The following SRSF11 variants were observed in gnomAD, a reference collection of about 807,000 sequenced individuals.
The protein encoded by SRSF11 is serine and arginine rich splicing factor 11, also known as serine/arginine-rich splicing factor 11.
SRSF11 carries 9 observed loss-of-function variants against 56.0 expected under a neutral mutation model. The observed-to-expected ratio is 0.16, with a 90% CI of 0.10 to 0.28. The LOEUF (loss-of-function observed/expected upper bound fraction) is 0.28. SRSF11 is among the 10% of genes least tolerant of loss of function. The pLI is 1.00. For synonymous variants in SRSF11, 222 were observed against 215.3 expected, an observed-to-expected ratio of 1.03 and a Z score of -0.27; for missense variants, 421 against 600.7, an observed-to-expected ratio of 0.70 and a Z score of 3.13.
At chr1:70,231,601 C>G (rs1300699983) in intron 2 of SRSF11, 1 of 1,132,428 alleles carries the variant, frequency 8.8e-7, no homozygotes, top group Non-Finnish European at 1.1e-6. Flanking sequence ...ACCTATCTCT[C>G]TTTCTCTCTC....
In SRSF11 at chr1:70,251,019, A is replaced by T. The variant is rs567212263; in HGVS notation, c.*214A>T. ...CCAATTCTTGTCATGGTGAAATCTG[A>T]TTGAGTAACCAAGCAGTTTTACTAT... On this transcript the variant is annotated 3_prime_UTR_variant, in exon 12 of 12. Coordinates refer to ENST00000370949, the MANE Select transcript of SRSF11 (RefSeq NM_001350605.2). 40 of 495,022 alleles carry T rather than the reference A, an allele frequency of 8.1e-5. No individual in the cohort carries two copies. Among genetic ancestry groups the T allele is most frequent in the Admixed American group, 1.7e-4 (5 of 28,934 alleles). The allele number at this position is 495,022 out of a possible 1,614,324, so 30.7% of individuals were successfully genotyped here.
chr1:70,232,292 C>G lies in SRSF11; in HGVS notation c.362C>G (p.Ala121Gly), dbSNP rs1309028106. 1 of 1,614,140 alleles carries G rather than the reference C, an allele frequency of 6.2e-7. No individual in the cohort carries two copies. Among genetic ancestry groups the G allele is most frequent in the Admixed American group, 1.7e-5 (1 of 60,016 alleles). Residue 121 changes from alanine (A) to glycine (G), a missense_variant, in exon 3 of 12, where the codon GCT becomes GGT. This residue lies in a region of SRSF11 where 168 missense variants were observed against 294.9 expected (regional missense o/e 0.57). Transcript: ENST00000370949. ...GGAGTTATTCCTGATGAAGCTAAAG[C>G]TTTGTCTCTGTTGGCACCAGCTAAT... The part of the protein sequence containing the change: ...AEGVIPDEAK[A>G]LSLLAPANAV...
At chr1:70,242,372 C>A (rs1675653058) in intron 7 of SRSF11, among the ~76,000 whole-genome samples, 1 of 151,762 alleles carries the variant, frequency 6.6e-6, no homozygotes, top group South Asian at 2.1e-4. Context: ...ACACCCCCCA[C>A]ACCCCACACC....
In SRSF11 at chr1:70,251,738, A is replaced by G. The variant is rs549615928; in HGVS notation, c.*933A>G. The G allele has an allele frequency of 1.4e-4, 21 of 152,752 alleles. No individual in the cohort carries two copies. The highest frequency in any genetic ancestry group is 6.2e-4 in the South Asian group (3 of 4,830). The allele number at this position is 152,752 out of a possible 1,614,324, so 9.5% of individuals were successfully genotyped here. On this transcript the variant is annotated 3_prime_UTR_variant, in exon 12 of 12. Coordinates refer to ENST00000370949, the MANE Select transcript of SRSF11 (RefSeq NM_001350605.2). ...AAATTGACCTTCATACGCTTTTAAA[A>G]TAAGACAAATCTACTTGATAATGTA...
At chr1:70,235,667 T>C in intron 5 of SRSF11, 117 bp downstream of exon 5, 1 of 938,258 alleles carries the variant, frequency 1.1e-6, no homozygotes, top group Admixed American at 2.7e-5. Context: ...AGACAAGCAA[T>C]ATGTATTGTT....
intron 8 of SRSF11, among the ~76,000 whole-genome samples, chr1:70,245,694 A>G (rs1676589593): frequency 6.6e-6 from 1 of 152,284 alleles, no homozygotes; most frequent in Admixed American, 6.5e-5. Context: ...TTTCAGGTGG[A>G]GAATGGTGTT....
intron 1 of SRSF11, among the ~76,000 whole-genome samples, chr1:70,226,431 A>G (rs895580885): frequency 6.6e-6 from 1 of 152,194 alleles, no homozygotes; most frequent in South Asian, 2.1e-4. Context: ...TAGGAAAAAA[A>G]ATATGAGTCA....
chr1:70,241,717 C>A (rs1273855299), intron 7 of SRSF11, among the ~76,000 whole-genome samples: 3 of 152,220 alleles, frequency 2.0e-5, no homozygotes, highest in Non-Finnish European at 2.9e-5. Flanking sequence ...TCTTCCATTT[C>A]CGCTTTGAGG....
intron 2 of SRSF11, chr1:70,230,124 A>G (rs1672567982): frequency 2.0e-6 from 2 of 983,626 alleles, no homozygotes; most frequent in Non-Finnish European, 2.4e-6. Flanking sequence ...ATAGTTCCCA[A>G]TCCCTGAACA....
Position 70,250,276 on chromosome 1 carries a change from T to G in SRSF11, c.1119-89T>G, listed in dbSNP as rs1330348716. The G allele has an allele frequency of 7.1e-6, 11 of 1,551,956 alleles. No homozygotes were observed. In the East Asian group the frequency reaches 2.0e-4, roughly 29 times the overall value. On this transcript the variant is annotated intron_variant, in intron 10 of 11. Transcript: ENST00000370949. ...CTCCAAGGTTTTGAAGTTGGATCTT[T>G]GCTGTACTACTTATATCCTGTGAAA...
intron 2 of SRSF11, chr1:70,229,442 A>G: frequency 1.0e-6 from 1 of 985,410 alleles, no homozygotes; most frequent in Non-Finnish European, 1.2e-6. Context: ...CCACTGTGAC[A>G]AGAAATTTTA....
rs530488131 is a variant in SRSF11 at position 70,234,941 on chromosome 1, A to AT, written c.540+154dup. ...TGTCAGAGCTTTAAACAGTCACTGA[A>AT]TGACTAACTCCTTTATCCATTAATG... On this transcript the variant is annotated intron_variant, in intron 4 of 11. Transcript: ENST00000370949. Among the ~76,000 whole-genome samples, 13 of 152,316 alleles carry AT rather than the reference A, an allele frequency of 8.5e-5. No homozygotes were observed. The South Asian group carries it at 2.7e-3, about 32-fold the overall frequency.
chr1:70,207,030 A>G (rs1184268966), intron 1 of SRSF11, among the ~76,000 whole-genome samples: 1 of 151,180 alleles, frequency 6.6e-6, no homozygotes, highest in Non-Finnish European at 1.5e-5. Context: ...AGCTGGGATT[A>G]TAGCCGCGCA....
Position 70,252,351 on chromosome 1 carries a change from GC to G in SRSF11, c.*1547del, listed in dbSNP as rs1032675755. The G allele has an allele frequency of 1.7e-4, 26 of 152,166 alleles. No individual in the cohort carries two copies. Among genetic ancestry groups the G allele is most frequent in the African/African-American group, 6.3e-4 (26 of 41,550 alleles). The allele number at this position is 152,166 out of a possible 1,614,324, so 9.4% of individuals were successfully genotyped here. A position where few individuals can be genotyped will look rare whatever the true frequency, so the allele number is the denominator to read the frequency against. ...TTTGCCTTTCTGGAGTAGTATAGAA[GC>G]TGTCAATATGTATCTACTGTACAGT... On this transcript the variant is annotated 3_prime_UTR_variant, in exon 12 of 12. Coordinates refer to ENST00000370949, the MANE Select transcript of SRSF11 (RefSeq NM_001350605.2).
In SRSF11 at chr1:70,229,008, AAAC is replaced by A. The variant is rs1363765860; in HGVS notation, c.337+455_337+457del. 9.1e-6 allele frequency: 9 copies of A among 985,212 alleles called. No homozygotes were observed. In the African/African-American group the frequency reaches 1.6e-4, roughly 17 times the overall value. The allele number at this position is 985,212 out of a possible 1,614,324, so 61.0% of individuals were successfully genotyped here. ...CACATTGATAATCTGGAAAAAAAAAAAACACATTGAATTTCAGTATACCAAGGG... is the reference window on the plus strand; with the variant it reads ...CACATTGATAATCTGGAAAAAAAAAAACATTGAATTTCAGTATACCAAGGG... On this transcript the variant is annotated intron_variant, in intron 2 of 11. Transcript: ENST00000370949.
rs56098296 is a variant in SRSF11, at chr1:70,243,336, C to CAA, written c.801-1312_801-1311dup. 1.2e-4 allele frequency among the ~76,000 whole-genome samples: 4 copies of CAA among 32,560 alleles called. 1 individual carries two copies. The highest frequency in any genetic ancestry group is 2.1e-4 in the Non-Finnish European group (3 of 14,438). The allele number at this position is 32,560 out of a possible 152,430, so 21.4% of individuals were successfully genotyped here. On this transcript the variant is annotated intron_variant, in intron 7 of 11. Coordinates refer to ENST00000370949, the MANE Select transcript of SRSF11 (RefSeq NM_001350605.2). ...TTTTTAATCCACATTTGGTTGGTGG[C>CAA]AAAAAAAAAAAAAAAAAAAAAAAAA...
Position 70,237,489 on chromosome 1 carries a change from A to G in SRSF11, c.655A>G (p.Ile219Val). 2 of 1,614,042 alleles carry G rather than the reference A, an allele frequency of 1.2e-6. No individual in the cohort carries two copies. Among genetic ancestry groups the G allele is most frequent in the Non-Finnish European group, 1.7e-6 (2 of 1,179,940 alleles). The change falls in exon 6 of 12, where the codon ATA becomes GTA. Residue 219 changes from isoleucine to valine, a missense_variant. Physicochemically the swap from Ile to Val is conservative, Grantham distance 29 (BLOSUM62 3). Transcript: ENST00000370949. ...SLKSDTSSKE[I>V]EEAMKRVREA... ...GAAATCGGATACCTCTAGTAAAGAA[A>G]TAGAGGAAGCTATGAAAAGAGTACG...
At chr1:70,230,901 A>G (rs771793129) in intron 2 of SRSF11, 107 of 1,191,326 alleles carry the variant, frequency 9.0e-5, no homozygotes, top group Non-Finnish European at 1.1e-4. Context: ...TTACTGCCCT[A>G]TATCTAAATG....
Position 70,249,983 on chromosome 1 carries a change from A to T in SRSF11, c.1054A>T (p.Thr352Ser). 3 of 1,614,160 alleles carry T rather than the reference A, an allele frequency of 1.9e-6. No individual in the cohort carries two copies. The highest frequency in any genetic ancestry group is 2.5e-6 in the Non-Finnish European group (3 of 1,180,016). ...ACGACGACGAAGAAGCAGGAGTGGCACAAGATCTCCTAAAAAGCCTCGGTC... is the reference window on the plus strand; with the variant it reads ...ACGACGACGAAGAAGCAGGAGTGGCTCAAGATCTCCTAAAAAGCCTCGGTC... ...ERRRRRSRSG[T>S]RSPKKPRSPK... Residue 352 changes from threonine to serine, a missense_variant, in exon 10 of 12, where the codon ACA (threonine) becomes TCA (serine). Thr to Ser is a moderately conservative substitution (Grantham distance 58). Transcript: ENST00000370949.
Sources: gnomAD v4.1 joint callset for allele counts (sites outside exome capture counted in the v4.1 genomes callset) on GRCh38, gnomAD v4.1.1 for gene constraint, gnomAD v4.1.1 regional missense constraint, MANE v1.5 for transcripts, NCBI Gene and HGNC (gene_info 2026-07-23, HGNC 2026-07-21) for gene names.